Variants in HAO2 observed in about 807,000 individuals in gnomAD.
The protein encoded by HAO2 is hydroxyacid oxidase 2.
Under a neutral mutation model 37.4 loss-of-function variants are expected in HAO2, and 42 were observed. That is an observed-to-expected ratio of 1.12 (90% CI 0.88 to 1.45). The LOEUF (loss-of-function observed/expected upper bound fraction) is 1.45. Ranked by LOEUF, HAO2 falls within the 40% of genes most tolerant of loss-of-function variation. The pLI is 0.00. For missense variants in HAO2, 476 were observed against 430.2 expected (o/e 1.11, Z -0.94); for synonymous variants, 180 against 162.8 (o/e 1.11, Z -0.81).
intron 1 of HAO2, among the ~76,000 whole-genome samples, chr1:119,378,272 C>A (rs759337411): frequency 6.6e-6 from 1 of 152,050 alleles, no homozygotes; most frequent in African/African-American, 2.4e-5. Context: ...CCCATCAGAT[C>A]TCATGAGACT....
chr1:119,386,553 C>A, intron 4 of HAO2, 69 bp from the exon 5 acceptor site: 1 of 953,180 alleles, frequency 1.0e-6, no homozygotes, highest in Non-Finnish European at 1.7e-6. Flanking sequence ...CTAAATGTGT[C>A]TCATCTTTGG....
chr1:119,393,717 C>A, intron 7 of HAO2, 68 bp from the exon 8 acceptor site: 2 of 1,305,644 alleles, frequency 1.5e-6, no homozygotes, highest in Non-Finnish European at 2.2e-6. Flanking sequence ...TTCATCACCC[C>A]TTACCCATGA....
intron 4 of HAO2, 111 bp downstream of exon 4, chr1:119,385,164 T>C: frequency 2.0e-6 from 3 of 1,476,722 alleles, no homozygotes; most frequent in South Asian, 1.4e-5. Context: ...GAACACCTGC[T>C]CTGTGCCAGA....
chr1:119,371,805 T>C (rs1649042221), intron 1 of HAO2, among the ~76,000 whole-genome samples: 1 of 152,234 alleles, frequency 6.6e-6, no homozygotes, highest in African/African-American at 2.4e-5. Context: ...TGCAATATTA[T>C]TGTCGTTATT....
At chr1:119,372,737 G>T (rs189791861) in intron 1 of HAO2, among the ~76,000 whole-genome samples, 1 of 152,324 alleles carries the variant, frequency 6.6e-6, no homozygotes, top group African/African-American at 2.4e-5. Context: ...TTCTTGAAAA[G>T]AAAGACCTCC....
intron 2 of HAO2, among the ~76,000 whole-genome samples, 194 bp from the exon 3 acceptor site, chr1:119,382,721 C>T (rs372284711): frequency 3.9e-5 from 6 of 152,254 alleles, no homozygotes; most frequent in Middle Eastern, 3.4e-3. Context: ...GTGTTGGAAG[C>T]GGCTTTCTGG....
chr1:119,374,588 T>C lies in HAO2; in HGVS notation c.-9+5686T>C, dbSNP rs587620120. ...ACACCATCCTATAGCACCAAGCAAG[T>C]GTACCTTAAAGTGAGTCATCAGAGG... On this transcript the variant is annotated intron_variant, in intron 1 of 7. Transcript: ENST00000325945. 3.8e-3 allele frequency among the ~76,000 whole-genome samples: 581 copies of C among 152,302 alleles called. 4 individuals carry two copies. The highest frequency in any genetic ancestry group is 6.5e-3 in the Non-Finnish European group (444 of 68,026).
intron 1 of HAO2, among the ~76,000 whole-genome samples, chr1:119,369,886 C>T (rs1368412971): frequency 6.6e-6 from 1 of 152,044 alleles, no homozygotes; most frequent in Non-Finnish European, 1.5e-5. Flanking sequence ...AAAGGTCCCC[C>T]CCCATATCTC....
intron 1 of HAO2, among the ~76,000 whole-genome samples, chr1:119,374,325 G>T (rs1649274268): frequency 6.6e-6 from 1 of 152,108 alleles, no homozygotes; most frequent in South Asian, 2.1e-4. Flanking sequence ...CATTCTCAGG[G>T]TCTCCTCTAG....
Position 119,384,987 on chromosome 1 carries a change from G to A in HAO2, c.495G>A (p.Arg165=). 1.2e-6 allele frequency: 2 copies of A among 1,613,950 alleles called. No homozygotes were observed. The change falls in exon 4 of 8, where the codon AGG becomes AGA. Residue 165 remains arginine (R), a synonymous_variant. Coordinates refer to ENST00000325945, the MANE Select transcript of HAO2 (RefSeq NM_016527.4). ...TGGATACACCTGTATGTGGCAACAG[G>A]CGACATGACATTCGAAACCAGTTGA... ...ITLDTPVCGN[R]RHDIRNQLRR... is the part of the protein sequence containing the mutation.
chr1:119,389,318 G>A (rs1570792643), intron 5 of HAO2, among the ~76,000 whole-genome samples: 1 of 149,554 alleles, frequency 6.7e-6, no homozygotes, highest in Non-Finnish European at 1.5e-5. Flanking sequence ...CCTGGTAGTG[G>A]GATTGCTGGA....
At chr1:119,387,597 A>G (rs1650489430) in intron 5 of HAO2, among the ~76,000 whole-genome samples, 2 of 152,206 alleles carry the variant, frequency 1.3e-5, no homozygotes, top group South Asian at 2.1e-4. Context: ...CACTGTTAAC[A>G]TCTTCTTAAT....
chr1:119,373,970 T>C (rs1312767962), intron 1 of HAO2, among the ~76,000 whole-genome samples: 1 of 152,202 alleles, frequency 6.6e-6, no homozygotes, highest in East Asian at 1.9e-4. Flanking sequence ...CCAGAGCTGA[T>C]TCTGGGCTGA....
At chr1:119,393,534 C>T (rs587639329) in intron 7 of HAO2, among the ~76,000 whole-genome samples, 3 of 152,194 alleles carry the variant, frequency 2.0e-5, no homozygotes, top group East Asian at 3.9e-4. Flanking sequence ...TTAGAAAATG[C>T]TAAAATAGGG....
chr1:119,382,782 G>A, intron 2 of HAO2, 133 bp from the exon 3 acceptor site: 1 of 765,688 alleles, frequency 1.3e-6, no homozygotes, highest in Non-Finnish European at 2.1e-6. Context: ...TCAGCCAACT[G>A]AACCCACCAA....
intron 4 of HAO2, chr1:119,385,535 T>G: frequency 1.1e-6 from 1 of 914,526 alleles, no homozygotes; most frequent in South Asian, 5.0e-5. Flanking sequence ...GCCTTGAAAC[T>G]GAGGAATCAA....
At chr1:119,385,526 C>T (rs1302617773) in intron 4 of HAO2, 1 of 877,154 alleles carries the variant, frequency 1.1e-6, no homozygotes. Flanking sequence ...TACCTTACTG[C>T]CTTGAAACTG....
In HAO2 at chr1:119,384,889, C is replaced by T; in HGVS notation, c.397C>T (p.Pro133Ser). Residue 133 changes from proline (P) to serine (S), a missense_variant, in exon 4 of 8, where the codon CCA becomes TCA. Physicochemically the swap from Pro to Ser is moderately conservative, Grantham distance 74. Coordinates refer to ENST00000325945, the MANE Select transcript of HAO2 (RefSeq NM_016527.4). ...GLRWFQLYVH[P>S]DLQLNKQLIQ... Reference sequence around the variant, plus strand: ...CCGATGGTTCCAACTCTATGTGCATCCAGACCTGCAGCTGAACAAACAGTT... The same window carrying T: ...CCGATGGTTCCAACTCTATGTGCATTCAGACCTGCAGCTGAACAAACAGTT... 6.2e-7 allele frequency: 1 copy of T among 1,613,892 alleles called. No homozygotes were observed. Among genetic ancestry groups the T allele is most frequent in the Non-Finnish European group, 8.5e-7 (1 of 1,179,788 alleles).
Position 119,383,108 on chromosome 1 carries a change from G to A in HAO2, c.283+42G>A, listed in dbSNP as rs1449156341. 4.0e-6 allele frequency: 6 copies of A among 1,503,234 alleles called. No individual in the cohort carries two copies. The African/African-American group carries it at 6.9e-5, about 17-fold the overall frequency. 93.1% of individuals were successfully genotyped at this position (1,503,234 alleles called of 1,614,324 possible). On this transcript the variant is annotated intron_variant, in intron 3 of 7. Coordinates refer to ENST00000325945, the MANE Select transcript of HAO2 (RefSeq NM_016527.4). Reference sequence around the variant, plus strand: ...CCTCGAGGCTCCTTTCCGGGAGGAGGTGTCCCTCAGAGCAGTGGCAGAGGC... The same window carrying A: ...CCTCGAGGCTCCTTTCCGGGAGGAGATGTCCCTCAGAGCAGTGGCAGAGGC...
Sources: gnomAD v4.1 joint callset for allele counts (sites outside exome capture counted in the v4.1 genomes callset) on GRCh38, gnomAD v4.1.1 for gene constraint, MANE v1.5 for transcripts, NCBI Gene and HGNC (gene_info 2026-07-23, HGNC 2026-07-21) for gene names.